The following CNTNAP5 variants were observed in gnomAD, a reference collection of about 807,000 sequenced individuals.
CNTNAP5 encodes the protein contactin-associated protein-like 5.
In CNTNAP5, 72 loss-of-function variants were observed where a neutral mutation model predicts 150.2. The observed-to-expected ratio is 0.48, with a 90% confidence interval of 0.40 to 0.58. The LOEUF (loss-of-function observed/expected upper bound fraction) is 0.58. Ranked by LOEUF, CNTNAP5 falls within the 20% of genes least tolerant of loss-of-function variation. The probability of loss-of-function intolerance (pLI) is 0.00; values close to 1 mark genes in which losing one functional copy is unlikely to be tolerated. For synonymous variants in CNTNAP5, 672 were observed against 619.8 expected (o/e 1.08, Z -1.25); for missense variants, 1,636 against 1,626.2 (o/e 1.01, Z -0.10).
At chr2:124,176,803 TCAGA>T (rs1685075920) in intron 1 of CNTNAP5, among the ~76,000 whole-genome samples, 1 of 150,492 alleles carries the variant, frequency 6.6e-6, no homozygotes, top group South Asian at 2.1e-4. Context: ...TGACCTAAAA[TCAGA>T]CAAAGTAGAT....
chr2:124,573,277 T>C (rs910836892), intron 11 of CNTNAP5, among the ~76,000 whole-genome samples: 1 of 152,218 alleles, frequency 6.6e-6, no homozygotes, highest in Admixed American at 6.5e-5. Context: ...TTCTTCCTTT[T>C]GAATACATCT....
intron 10 of CNTNAP5, among the ~76,000 whole-genome samples, chr2:124,548,991 G>T (rs1695575533): frequency 6.6e-6 from 1 of 152,182 alleles, no homozygotes; most frequent in African/African-American, 2.4e-5. Flanking sequence ...CAAGGGGATG[G>T]TCTCAGACCA....
intron 8 of CNTNAP5, among the ~76,000 whole-genome samples, chr2:124,514,945 T>G (rs1245853343): frequency 6.6e-6 from 1 of 152,128 alleles, no homozygotes; most frequent in Non-Finnish European, 1.5e-5. Context: ...AGCTTAATGG[T>G]TAGCGTGTGG....
intron 13 of CNTNAP5, among the ~76,000 whole-genome samples, chr2:124,677,238 G>T (rs34193160): frequency 1.3e-4 from 20 of 151,920 alleles, no homozygotes; most frequent in Admixed American, 3.3e-4. Flanking sequence ...TAAAGGTGGC[G>T]CGTCTGGGGT....
At chr2:124,145,931 T>C (rs1684241728) in intron 1 of CNTNAP5, among the ~76,000 whole-genome samples, 1 of 151,524 alleles carries the variant, frequency 6.6e-6, no homozygotes, top group African/African-American at 2.4e-5. Flanking sequence ...CTGTAAATGA[T>C]ACACAGCTAA....
At chr2:124,038,858 G>A (rs1681291666) in intron 1 of CNTNAP5, among the ~76,000 whole-genome samples, 1 of 152,172 alleles carries the variant, frequency 6.6e-6, no homozygotes, top group Middle Eastern at 3.2e-3. Context: ...GAAGAGTGGG[G>A]ATGGAATCCC....
At chr2:124,446,118 A>G (rs2104805787) in intron 5 of CNTNAP5, among the ~76,000 whole-genome samples, 1 of 152,288 alleles carries the variant, frequency 6.6e-6, no homozygotes, top group South Asian at 2.1e-4. Context: ...AGGATGAGGC[A>G]AACCTAGATT....
intron 3 of CNTNAP5, among the ~76,000 whole-genome samples, chr2:124,377,976 T>C (rs1315620532): frequency 6.6e-6 from 1 of 152,088 alleles, no homozygotes; most frequent in East Asian, 1.9e-4. Context: ...CTTTGCTACT[T>C]GTGTTTCTAG....
chr2:124,680,735 A>G (rs1679048142), intron 13 of CNTNAP5: 1 of 151,890 alleles, frequency 6.6e-6, no homozygotes, highest in Admixed American at 6.7e-5. Flanking sequence ...TCAGTTTGAG[A>G]TAATGACTTC....
chr2:124,139,455 G>A (rs1039148078), intron 1 of CNTNAP5, among the ~76,000 whole-genome samples: 3 of 152,148 alleles, frequency 2.0e-5, no homozygotes, highest in Non-Finnish European at 2.9e-5. Context: ...AGAGTAGTTC[G>A]CACCATGATC....
intron 3 of CNTNAP5, among the ~76,000 whole-genome samples, chr2:124,351,581 G>C (rs1438409565): frequency 6.6e-6 from 1 of 152,198 alleles, no homozygotes; most frequent in Non-Finnish European, 1.5e-5. Context: ...TGTGGAATAA[G>C]AGTTACAGGG....
chr2:124,385,081 G>A (rs2104741954), intron 3 of CNTNAP5, among the ~76,000 whole-genome samples: 1 of 152,238 alleles, frequency 6.6e-6, no homozygotes, highest in African/African-American at 2.4e-5. Flanking sequence ...TTGAGCAAGA[G>A]GTCCTCTACC....
intron 12 of CNTNAP5, among the ~76,000 whole-genome samples, chr2:124,618,593 T>C (rs1187718474): frequency 6.6e-6 from 1 of 152,104 alleles, no homozygotes. Context: ...CTCCTTTCTA[T>C]GCTCCCCTCT....
chr2:124,254,615 G>A (rs954784379), intron 3 of CNTNAP5, among the ~76,000 whole-genome samples: 1 of 152,184 alleles, frequency 6.6e-6, no homozygotes, highest in African/African-American at 2.4e-5. Flanking sequence ...TAAGCCACTG[G>A]CATTTTGTTT....
In CNTNAP5 at chr2:124,434,764, G is replaced by A. The variant is rs7568171; in HGVS notation, c.733+77G>A. 3.4e-3 allele frequency: 4,421 copies of A among 1,283,882 alleles called. 122 individuals are homozygous for A. The African/African-American group carries it at 0.055, about 16-fold the overall frequency. 79.5% of individuals were successfully genotyped at this position (1,283,882 alleles called of 1,614,324 possible). A position where few individuals can be genotyped will look rare whatever the true frequency, so the allele number is the denominator to read the frequency against. ...CCACAGCTCACAGTGTCTGACACTTGCAGTGTATCTGGTGGAAGTCACTGG... is the reference window on the plus strand; with the variant it reads ...CCACAGCTCACAGTGTCTGACACTTACAGTGTATCTGGTGGAAGTCACTGG... On this transcript the variant is annotated intron_variant, in intron 5 of 23. Coordinates refer to ENST00000682447, the MANE Select transcript of CNTNAP5 (RefSeq NM_001367498.1).
At chr2:124,463,035 C>T (rs1199339275) in intron 6 of CNTNAP5, among the ~76,000 whole-genome samples, 1 of 152,166 alleles carries the variant, frequency 6.6e-6, no homozygotes, top group Admixed American at 6.5e-5. Flanking sequence ...TGGCAACCTC[C>T]TATGTCATCT....
intron 1 of CNTNAP5, among the ~76,000 whole-genome samples, chr2:124,146,925 C>T (rs1684268102): frequency 1.3e-5 from 2 of 152,166 alleles, no homozygotes; most frequent in African/African-American, 4.8e-5. Flanking sequence ...ATGCCAGTCT[C>T]TTCCCTTGGG....
chr2:124,680,418 C>T (rs1679039495), intron 13 of CNTNAP5, among the ~76,000 whole-genome samples: 1 of 151,904 alleles, frequency 6.6e-6, no homozygotes, highest in Admixed American at 6.7e-5. Flanking sequence ...AACTGCATTC[C>T]TGTGGCTTGC....
chr2:124,209,524 A>T (rs1378579295), intron 1 of CNTNAP5, among the ~76,000 whole-genome samples: 2 of 152,212 alleles, frequency 1.3e-5, no homozygotes, highest in African/African-American at 4.8e-5. Flanking sequence ...AACATAAGTC[A>T]CTTTACTGTT....
Sources: gnomAD v4.1 joint callset for allele counts (sites outside exome capture counted in the v4.1 genomes callset) on GRCh38, gnomAD v4.1.1 for gene constraint, MANE v1.5 for transcripts, NCBI Gene and HGNC (gene_info 2026-07-23, HGNC 2026-07-21) for gene names.